Variants in ANO5 observed in about 807,000 individuals in gnomAD.
ANO5 encodes the protein anoctamin 5.
Under a neutral mutation model 121.0 loss-of-function variants are expected in ANO5, and 109 were observed. The ratio of observed to expected loss-of-function variants is 0.90; its 90% CI spans 0.77 to 1.06. The LOEUF (loss-of-function observed/expected upper bound fraction) is 1.06, where lower values mean the gene tolerates loss of function less well. ANO5 is among the 50% of genes least tolerant of loss of function. The probability of loss-of-function intolerance (pLI) is 0.00; values close to 1 mark genes in which losing one functional copy is unlikely to be tolerated. For missense variants in ANO5, 1,064 were observed against 1,078.5 expected (o/e 0.99, Z 0.19); for synonymous variants, 406 against 359.9 (o/e 1.13, Z -1.45).
chr11:22,226,882 G>T (rs1455154923), intron 6 of ANO5, among the ~76,000 whole-genome samples: 2 of 152,054 alleles, frequency 1.3e-5, no homozygotes. Flanking sequence ...AGAAGAGTGA[G>T]TACGTTTTAC....
Position 22,193,461 on chromosome 11 carries a change from C to A in ANO5, c.-32C>A. On this transcript the variant is annotated 5_prime_UTR_variant, in exon 1 of 22. Coordinates refer to ENST00000324559, the MANE Select transcript of ANO5 (RefSeq NM_213599.3). ...CAGCTGCCCCTCTCCTGCTGCCTCT[C>A]AGGCACCAGTGCCATTAACGAGCTG... 6.2e-7 allele frequency: 1 copy of A among 1,606,138 alleles called. No individual in the cohort carries two copies. The highest frequency in any genetic ancestry group is 8.5e-7 in the Non-Finnish European group (1 of 1,176,894).
chr11:22,274,386 T>A (rs925319478), intron 19 of ANO5, among the ~76,000 whole-genome samples, 183 bp from the exon 20 acceptor site: 2 of 152,086 alleles, frequency 1.3e-5, no homozygotes, highest in Non-Finnish European at 2.9e-5. Context: ...GGAATACTGA[T>A]CACACACTGT....
chr11:22,227,299 C>T lies in ANO5; in HGVS notation c.364-3C>T, dbSNP rs768376511. The stretch of plus-strand genomic sequence containing the variant: ...CTGCTGTTTTGCCTTTTTTTTAATG[C>T]AGGACTCGGAAGATGGAAGAACTTA... On this transcript the variant is annotated splice_polypyrimidine_tract_variant and splice_region_variant and intron_variant, in intron 6 of 21. Coordinates refer to ENST00000324559, the MANE Select transcript of ANO5 (RefSeq NM_213599.3). 1 of 1,612,552 alleles carries T rather than the reference C, an allele frequency of 6.2e-7. No homozygotes were observed. The highest frequency in any genetic ancestry group is 8.5e-7 in the Non-Finnish European group (1 of 1,179,524).
chr11:22,194,038 A>T (rs1241524954), intron 1 of ANO5, among the ~76,000 whole-genome samples: 5 of 152,164 alleles, frequency 3.3e-5, no homozygotes, highest in African/African-American at 4.8e-5. Flanking sequence ...TAATTGTAGG[A>T]GTAGCAGATC....
chr11:22,246,428 G>A lies in ANO5; in HGVS notation c.879-3809G>A, dbSNP rs143984417. ...TTATTTCCTTAGTTGCAGGTAATTT[G>A]AGGATCATGACTTTCTCTGTCATGA... On this transcript the variant is annotated intron_variant, in intron 9 of 21. Transcript: ENST00000324559. Among the ~76,000 whole-genome samples, 6 of 152,174 alleles carry A rather than the reference G, an allele frequency of 3.9e-5. No individual in the cohort carries two copies. The East Asian group carries it at 1.2e-3, about 29-fold the overall frequency.
intron 9 of ANO5, among the ~76,000 whole-genome samples, chr11:22,242,099 T>C (rs1400294081): frequency 6.6e-6 from 1 of 152,172 alleles, no homozygotes; most frequent in African/African-American, 2.4e-5. Flanking sequence ...TTTATTCTTC[T>C]GTATATTGCT....
At chr11:22,211,069 A>T (rs1049647237) in intron 2 of ANO5, among the ~76,000 whole-genome samples, 195 bp from the exon 3 acceptor site, 1 of 151,952 alleles carries the variant, frequency 6.6e-6, no homozygotes, top group African/African-American at 2.4e-5. Flanking sequence ...ACATTTACAG[A>T]TACATAGCAC....
chr11:22,246,811 G>A (rs1450255362), intron 9 of ANO5, among the ~76,000 whole-genome samples: 5 of 127,214 alleles, frequency 3.9e-5, no homozygotes, highest in South Asian at 2.5e-4. Context: ...AGCCGAGATC[G>A]CACCACTACC....
intron 21 of ANO5, chr11:22,278,170 A>G (rs1057488609): frequency 6.6e-6 from 1 of 151,680 alleles, no homozygotes; most frequent in Non-Finnish European, 1.5e-5. Context: ...TCTATTTTTA[A>G]AATCAATACG....
chr11:22,203,985 C>A, intron 2 of ANO5, 135 bp downstream of exon 2: 1 of 556,044 alleles, frequency 1.8e-6, no homozygotes, highest in Non-Finnish European at 3.1e-6. Flanking sequence ...TTTTAAGTAG[C>A]TAAAGCAAGT....
chr11:22,266,084 C>T (rs906742428), intron 17 of ANO5, among the ~76,000 whole-genome samples: 1 of 152,144 alleles, frequency 6.6e-6, no homozygotes, highest in African/African-American at 2.4e-5. Context: ...GTGAAACTTG[C>T]TCCTCATTCA....
chr11:22,264,909 T>C (rs1297782505), intron 17 of ANO5, among the ~76,000 whole-genome samples: 1 of 152,176 alleles, frequency 6.6e-6, no homozygotes, highest in Admixed American at 6.5e-5. Context: ...GAGAAATTCC[T>C]ACCTTGTACA....
chr11:22,202,091 A>G (rs1193263627), intron 1 of ANO5, among the ~76,000 whole-genome samples: 5 of 149,896 alleles, frequency 3.3e-5, no homozygotes, highest in Admixed American at 2.6e-4. Flanking sequence ...TTGTTTGCCA[A>G]AGGCAAAAAA....
chr11:22,196,681 C>T (rs1174154781), intron 1 of ANO5, among the ~76,000 whole-genome samples: 2 of 151,960 alleles, frequency 1.3e-5, no homozygotes, highest in East Asian at 3.9e-4. Context: ...CCATCCTGGC[C>T]AACATGGTGA....
chr11:22,197,422 A>G (rs1447410666), intron 1 of ANO5, among the ~76,000 whole-genome samples: 1 of 151,132 alleles, frequency 6.6e-6, no homozygotes, highest in Non-Finnish European at 1.5e-5. Flanking sequence ...AGCTCACCAT[A>G]GCCTCAAGAA....
intron 17 of ANO5, among the ~76,000 whole-genome samples, chr11:22,268,503 A>G (rs186996586): frequency 2.0e-5 from 3 of 152,288 alleles, no homozygotes; most frequent in African/African-American, 4.8e-5. Context: ...ATAAACCCTA[A>G]TATTGTTTCT....
At chr11:22,201,366 G>A (rs781071580) in intron 1 of ANO5, among the ~76,000 whole-genome samples, 35 of 152,112 alleles carry the variant, frequency 2.3e-4, no homozygotes, top group Non-Finnish European at 2.9e-4. Context: ...ACAAATATTC[G>A]TGTAAAATTG....
At chr11:22,213,668 C>T (rs1275738145) in intron 3 of ANO5, among the ~76,000 whole-genome samples, 2 of 151,426 alleles carry the variant, frequency 1.3e-5, no homozygotes, top group African/African-American at 4.9e-5. Flanking sequence ...AGATGAAAGT[C>T]ACTATTTGCA....
chr11:22,204,750 A>C (rs1442389262), intron 2 of ANO5, among the ~76,000 whole-genome samples: 1 of 152,100 alleles, frequency 6.6e-6, no homozygotes, highest in African/African-American at 2.4e-5. Flanking sequence ...TGTTGGTGGG[A>C]GTGTACATTA....
Sources: gnomAD v4.1 joint callset for allele counts (sites outside exome capture counted in the v4.1 genomes callset) on GRCh38, gnomAD v4.1.1 for gene constraint, MANE v1.5 for transcripts, NCBI Gene and HGNC (gene_info 2026-07-23, HGNC 2026-07-21) for gene names.